The following AP1S3 variants were observed in gnomAD, a reference collection of about 807,000 sequenced individuals.
The protein encoded by AP1S3 is adaptor related protein complex 1 subunit sigma 3.
In AP1S3, 10 loss-of-function variants were observed where a neutral mutation model predicts 20.9. The ratio of observed to expected loss-of-function variants is 0.48; its 90% confidence interval spans 0.29 to 0.81. AP1S3 has a LOEUF of 0.81. Ranked by LOEUF, AP1S3 falls within the 30% of genes least tolerant of loss-of-function variation. The pLI is 0.08. For synonymous variants in AP1S3, 41 were observed against 61.5 expected (o/e 0.67, Z 1.56); for missense variants, 154 against 183.8 (o/e 0.84, Z 0.94).
intron 2 of AP1S3, 92 bp downstream of exon 2, chr2:223,777,599 A>G (rs1690816556): frequency 7.9e-6 from 9 of 1,134,866 alleles, no homozygotes; most frequent in Non-Finnish European, 1.1e-5. Context: ...ATTTCAGTAA[A>G]TGATGGAATT....
Position 223,755,850 on chromosome 2 carries a change from G to A in AP1S3, c.*2865C>T, listed in dbSNP as rs1290987481. 1.4e-5 allele frequency: 14 copies of A among 985,256 alleles called. No individual in the cohort carries two copies. The highest frequency in any genetic ancestry group is 1.7e-5 in the Non-Finnish European group (14 of 829,912). 61.0% of individuals were successfully genotyped at this position (985,256 alleles called of 1,614,324 possible). On this transcript the variant is annotated 3_prime_UTR_variant, in exon 5 of 5. Coordinates refer to ENST00000396654, the MANE Select transcript of AP1S3 (RefSeq NM_001039569.2). ...CAGAAGAGATATATTTACTTTCTAT[G>A]TGTGACACTGATTGAAGTCTGAGAA...
chr2:223,827,112 T>G (rs1383019580), intron 1 of AP1S3, among the ~76,000 whole-genome samples: 1 of 152,180 alleles, frequency 6.6e-6, no homozygotes, highest in Non-Finnish European at 1.5e-5. Flanking sequence ...TTATTGTATA[T>G]TCAAGTCTTG....
intron 1 of AP1S3, among the ~76,000 whole-genome samples, chr2:223,789,063 A>C (rs941092065): frequency 3.3e-5 from 5 of 152,046 alleles, no homozygotes; most frequent in African/African-American, 1.2e-4. Flanking sequence ...GCTTCTAACT[A>C]TGAGTAGAGG....
intron 1 of AP1S3, among the ~76,000 whole-genome samples, chr2:223,795,925 C>A (rs1206639281): frequency 6.6e-6 from 1 of 152,170 alleles, no homozygotes; most frequent in African/African-American, 2.4e-5. Context: ...GTAATCCCAG[C>A]ACTTTGGGTG....
In AP1S3 at chr2:223,824,223, G is replaced by A. The variant is rs778930689; in HGVS notation, c.3+13225C>T. 5.3e-5 allele frequency among the ~76,000 whole-genome samples: 8 copies of A among 151,928 alleles called. No homozygotes were observed. In the East Asian group the frequency reaches 1.2e-3, roughly 22 times the overall value. On this transcript the variant is annotated intron_variant, in intron 1 of 4. Transcript: ENST00000396654. ...TTGCCATATTGCCCAGGCTGGCCTCGAACTTTTGGGCTCATGCAATCAGCC... is the reference window on the plus strand; with the variant it reads ...TTGCCATATTGCCCAGGCTGGCCTCAAACTTTTGGGCTCATGCAATCAGCC...
Position 223,758,448 on chromosome 2 carries a change from G to A in AP1S3, c.*267C>T. ...ATGGAGTTAATACATTACAAATATT[G>A]TCTGTTGGGTTAGGTGGTAGTTACT... On this transcript the variant is annotated 3_prime_UTR_variant, in exon 5 of 5. Transcript: ENST00000396654. 8.7e-7 allele frequency: 1 copy of A among 1,155,550 alleles called. No individual in the cohort carries two copies. The highest frequency in any genetic ancestry group is 1.1e-6 in the Non-Finnish European group (1 of 940,514). The allele number at this position is 1,155,550 out of a possible 1,614,324, so 71.6% of individuals were successfully genotyped here.
At chr2:223,786,075 G>T (rs1354324353) in intron 1 of AP1S3, among the ~76,000 whole-genome samples, 1 of 152,176 alleles carries the variant, frequency 6.6e-6, no homozygotes, top group Non-Finnish European at 1.5e-5. Context: ...GTATATGAGA[G>T]ATCTCATACC....
chr2:223,835,246 C>T (rs1692369580), intron 1 of AP1S3, among the ~76,000 whole-genome samples: 1 of 152,198 alleles, frequency 6.6e-6, no homozygotes, highest in South Asian at 2.1e-4. Flanking sequence ...CTCAGAGTAG[C>T]TAAAATGCAA....
intron 1 of AP1S3, among the ~76,000 whole-genome samples, chr2:223,795,889 C>A (rs1294766120): frequency 6.6e-6 from 1 of 151,938 alleles, no homozygotes; most frequent in African/African-American, 2.4e-5. Context: ...ATAAATTACC[C>A]AGGCCAGTCA....
chr2:223,775,121 C>T (rs755495580), intron 3 of AP1S3, among the ~76,000 whole-genome samples: 4 of 151,378 alleles, frequency 2.6e-5, no homozygotes, highest in Non-Finnish European at 5.9e-5. Flanking sequence ...CAGGTGAAGA[C>T]TCAAGAGGAA....
chr2:223,816,155 G>A (rs1330943162), intron 1 of AP1S3, among the ~76,000 whole-genome samples: 2 of 152,144 alleles, frequency 1.3e-5, no homozygotes, highest in Non-Finnish European at 2.9e-5. Context: ...GGCATACAGC[G>A]TGTCATTTTG....
chr2:223,759,419 C>T (rs991621487), intron 4 of AP1S3, among the ~76,000 whole-genome samples: 4 of 152,254 alleles, frequency 2.6e-5, no homozygotes, highest in Admixed American at 1.3e-4. Context: ...TTAGAGAATT[C>T]TGAATTACGT....
intron 1 of AP1S3, among the ~76,000 whole-genome samples, chr2:223,811,005 T>G (rs1289001541): frequency 6.6e-6 from 1 of 152,178 alleles, no homozygotes; most frequent in Non-Finnish European, 1.5e-5. Flanking sequence ...TTTCCCATTT[T>G]TTTTATTTCA....
rs1690825351 is a variant in AP1S3 at position 223,777,823 on chromosome 2, T to C, written c.50A>G (p.Gln17Arg). 1 of 1,613,990 alleles carries C rather than the reference T, an allele frequency of 6.2e-7. No individual in the cohort carries two copies. The highest frequency in any genetic ancestry group is 1.7e-5 in the Admixed American group (1 of 59,998). The change falls in exon 2 of 5, where the codon CAG (glutamine) becomes CGG (arginine). Residue 17 changes from glutamine (Q) to arginine (R), a missense_variant. By Grantham distance (43) the Gln-to-Arg change is conservative. Transcript: ENST00000396654. The part of the protein sequence containing the change: ...LFSRQGKLRL[Q>R]KWYITLPDKE... ...ATCAGGGAGAGTGATGTACCATTTCTGTAGCCGTAATTTCCCTTGTCGACT... is the reference window on the plus strand; with the variant it reads ...ATCAGGGAGAGTGATGTACCATTTCCGTAGCCGTAATTTCCCTTGTCGACT...
rs1321480212 is a variant in AP1S3, at chr2:223,756,067, A to G, written c.*2648T>C. 44 of 985,100 alleles carry G rather than the reference A, an allele frequency of 4.5e-5. No homozygotes were observed. The highest frequency in any genetic ancestry group is 4.9e-5 in the Non-Finnish European group (41 of 829,768). The allele number at this position is 985,100 out of a possible 1,614,324, so 61.0% of individuals were successfully genotyped here. On this transcript the variant is annotated 3_prime_UTR_variant, in exon 5 of 5. Coordinates refer to ENST00000396654, the MANE Select transcript of AP1S3 (RefSeq NM_001039569.2). ...AAAAATAAAGAATTTGGCCGGGTGC[A>G]GCGGCTCATGCCTGTAATTCCAGCA...
intron 2 of AP1S3, 96 bp from the exon 3 acceptor site, chr2:223,776,105 C>A (rs536897525): frequency 1.8e-5 from 15 of 821,496 alleles, no homozygotes; most frequent in African/African-American, 5.1e-5. Context: ...CCTCCCCCGC[C>A]GAGCCTCTCC....
At position 223,790,036 on chromosome 2, in the gene AP1S3, C is replaced by T. The variant is rs572776395; in HGVS notation, c.4-12167G>A. Reference sequence around the variant, plus strand: ...AATGAATTTTAGAAGCCCATCAACACGAAACTTCAGAACAACCAGGACAAA... The same window carrying T: ...AATGAATTTTAGAAGCCCATCAACATGAAACTTCAGAACAACCAGGACAAA... On this transcript the variant is annotated intron_variant, in intron 1 of 4. Coordinates refer to ENST00000396654, the MANE Select transcript of AP1S3 (RefSeq NM_001039569.2). 2.0e-3 allele frequency among the ~76,000 whole-genome samples: 302 copies of T among 152,116 alleles called. 1 individual carries two copies. Among genetic ancestry groups the T allele is most frequent in the South Asian group, 0.013 (65 of 4,818 alleles).
intron 1 of AP1S3, among the ~76,000 whole-genome samples, chr2:223,823,819 A>G (rs758532676): frequency 6.6e-6 from 1 of 152,214 alleles, no homozygotes; most frequent in African/African-American, 2.4e-5. Context: ...CCATTTTGCA[A>G]TGTGTATACA....
At chr2:223,825,326 A>G (rs1692104533) in intron 1 of AP1S3, among the ~76,000 whole-genome samples, 1 of 151,514 alleles carries the variant, frequency 6.6e-6, no homozygotes, top group African/African-American at 2.4e-5. Context: ...AAAAAAAGAA[A>G]AGAAAACAGT....
Sources: gnomAD v4.1 joint callset for allele counts (sites outside exome capture counted in the v4.1 genomes callset) on GRCh38, gnomAD v4.1.1 for gene constraint, MANE v1.5 for transcripts, NCBI Gene and HGNC (gene_info 2026-07-23, HGNC 2026-07-21) for gene names.